SHKBP1: variants seen among roughly 807,000 people sequenced by gnomAD.
SHKBP1 encodes the protein SH3KBP1 binding protein 1.
A neutral mutation model predicts 83.9 loss-of-function variants in SHKBP1; 71 were observed. The ratio of observed to expected loss-of-function variants is 0.85; its 90% CI spans 0.70 to 1.03. SHKBP1 has a LOEUF of 1.03. Ranked by LOEUF, SHKBP1 falls within the 50% of genes least tolerant of loss-of-function variation. The pLI, the probability that SHKBP1 is intolerant of heterozygous loss-of-function variation, is 0.00. For missense variants in SHKBP1, 824 were observed against 982.4 expected (o/e 0.84, Z 2.16); for synonymous variants, 371 against 398.0 (o/e 0.93, Z 0.81).
chr19:40,587,998 G>A (rs1298717232), intron 13 of SHKBP1, among the ~76,000 whole-genome samples: 4 of 152,224 alleles, frequency 2.6e-5, no homozygotes, highest in Admixed American at 6.5e-5. Context: ...GTGTCAAGTC[G>A]CTGGAGAGGG....
At position 40,589,197 on chromosome 19, in the gene SHKBP1, A is replaced by G; in HGVS notation, c.1589+19A>G. The stretch of plus-strand genomic sequence containing the variant: ...GGCAGCGGTGAGGACAGTCCTGTCC[A>G]ACAGGGAGGGAGGACAGTCCTGTCC... On this transcript the variant is annotated intron_variant, in intron 15 of 17. Coordinates refer to ENST00000291842, the MANE Select transcript of SHKBP1 (RefSeq NM_138392.4). 1 of 571,410 alleles carries G rather than the reference A, an allele frequency of 1.8e-6. No individual in the cohort carries two copies. Among genetic ancestry groups the G allele is most frequent in the South Asian group, 4.1e-5 (1 of 24,462 alleles). 35.4% of individuals were successfully genotyped at this position (571,410 alleles called of 1,614,324 possible).
At position 40,590,225 on chromosome 19, in the gene SHKBP1, C is replaced by T; in HGVS notation, c.1590-19C>T. ...GGTGAGAAAGCGAGGGTGACCACCT[C>T]CCCCACTGCACCCCCCAGGGTGTGC... On this transcript the variant is annotated intron_variant, in intron 15 of 17. Coordinates refer to ENST00000291842, the MANE Select transcript of SHKBP1 (RefSeq NM_138392.4). This position sits in a 1 kb window ranked among gnomAD's most constrained non-coding sequence, Gnocchi z 4.6. 6.5e-7 allele frequency: 1 copy of T among 1,544,230 alleles called. No homozygotes were observed. Among genetic ancestry groups the T allele is most frequent in the Admixed American group, 1.9e-5 (1 of 52,148 alleles).
chr19:40,589,242 G>A, intron 15 of SHKBP1, 64 bp downstream of exon 15: 1 of 1,436,454 alleles, frequency 7.0e-7, no homozygotes, highest in Non-Finnish European at 9.6e-7. Context: ...GGAGGTCAGG[G>A]GAGAAGGCAA....
intron 13 of SHKBP1, among the ~76,000 whole-genome samples, chr19:40,587,225 A>G (rs1336903200): frequency 6.6e-6 from 1 of 152,194 alleles, no homozygotes; most frequent in African/African-American, 2.4e-5. Flanking sequence ...AGTGATGAAC[A>G]AGACAGGCCA....
chr19:40,586,089 G>C (rs968960936), intron 12 of SHKBP1, among the ~76,000 whole-genome samples: 16 of 151,984 alleles, frequency 1.1e-4, no homozygotes, highest in African/African-American at 3.9e-4. Flanking sequence ...AAAATCTTTT[G>C]TAGAGATGAG....
In SHKBP1 at chr19:40,580,874, C is replaced by A; in HGVS notation, c.782C>A (p.Ala261Glu). Residue 261 changes from alanine (A) to glutamate (E), a missense_variant, in exon 9 of 18, where the codon GCA becomes GAA. Around this residue, in one of 3 missense-constraint regions of SHKBP1, gnomAD observed 355 missense variants for 386.4 expected, o/e 0.92. Coordinates refer to ENST00000291842, the MANE Select transcript of SHKBP1 (RefSeq NM_138392.4). ...ALGEHDKMVAAATGSEILLWA... is the reference protein window; with the variant it reads ...ALGEHDKMVAEATGSEILLWA... ...GGTGAACATGACAAGATGGTGGCAG[C>A]AGCCACCGGCAGCGAGATCCTGCTA... The A allele has an allele frequency of 6.2e-7, 1 of 1,611,294 alleles. No individual in the cohort carries two copies. Among genetic ancestry groups the A allele is most frequent in the Non-Finnish European group, 8.5e-7 (1 of 1,178,652 alleles).
At chr19:40,581,925 C>CTTT (rs58051153) in intron 9 of SHKBP1, among the ~76,000 whole-genome samples, 48 of 145,494 alleles carry the variant, frequency 3.3e-4, no homozygotes, top group South Asian at 8.6e-4. Flanking sequence ...GGAATCTTCA[C>CTTT]TTTTTTTTTT....
At position 40,589,141 on chromosome 19, in the gene SHKBP1, A is replaced by G; in HGVS notation, c.1552A>G (p.Ser518Gly). The G allele has an allele frequency of 6.2e-7, 1 of 1,613,452 alleles. No individual in the cohort carries two copies. Among genetic ancestry groups the G allele is most frequent in the Non-Finnish European group, 8.5e-7 (1 of 1,179,962 alleles). The change falls in exon 15 of 18, where the codon AGC becomes GGC. Residue 518 changes from serine (S) to glycine (G), a missense_variant. Around this residue, in one of 3 missense-constraint regions of SHKBP1, gnomAD observed 287 missense variants for 322.9 expected, o/e 0.89. Coordinates refer to ENST00000291842, the MANE Select transcript of SHKBP1 (RefSeq NM_138392.4). ...CATCCAGAAGGTGGTGCCCAGTGCC[A>G]GCCAGCTCTTCGTGCGTCTCTCATC... ...VFIQKVVPSA[S>G]QLFVRLSSTG... is the part of the protein sequence containing the mutation.
chr19:40,580,268 C>T, intron 6 of SHKBP1, 56 bp from the exon 7 acceptor site: 3 of 1,567,272 alleles, frequency 1.9e-6, no homozygotes, highest in African/African-American at 1.3e-5. Context: ...TAAGTGCTTG[C>T]TGTGTGACAG....
intron 5 of SHKBP1, 73 bp downstream of exon 5, chr19:40,578,285 C>G (rs540962684): frequency 6.5e-5 from 99 of 1,533,830 alleles, no homozygotes; most frequent in Non-Finnish European, 8.7e-5. Flanking sequence ...GCCCCTCTTC[C>G]CCTTCTCTCC....
At chr19:40,577,947 CTACACA>C (rs752302333) in intron 4 of SHKBP1, 1 of 568,290 alleles carries the variant, frequency 1.8e-6, no homozygotes. Flanking sequence ...CGATTTCTCC[CTACACA>C]CACACACACA....
chr19:40,586,830 G>T lies in SHKBP1; in HGVS notation c.1222G>T (p.Val408Phe), dbSNP rs1358898200. 3 of 1,611,738 alleles carry T rather than the reference G, an allele frequency of 1.9e-6. No homozygotes were observed. In the Admixed American group the frequency reaches 5.0e-5, roughly 27 times the overall value. Residue 408 changes from valine (V) to phenylalanine (F), a missense_variant, in exon 13 of 18, where the codon GTC becomes TTC. By Grantham distance (50) the Val-to-Phe change is conservative. Coordinates refer to ENST00000291842, the MANE Select transcript of SHKBP1 (RefSeq NM_138392.4). The stretch of plus-strand genomic sequence containing the variant: ...TGGCACCAGCTCAGGGGGCGTGCGG[G>T]TCATCGTGCAGCACCCGGAGACTGT... Reference protein sequence around the residue: ...AYGTSSGGVRVIVQHPETVGS... With the variant: ...AYGTSSGGVRFIVQHPETVGS...
Position 40,580,332 on chromosome 19 carries a change from G to T in SHKBP1, c.409G>T (p.Val137Leu). Residue 137 changes from valine (V) to leucine (L), a missense_variant, in exon 7 of 18, where the codon GTG becomes TTG. Coordinates refer to ENST00000291842, the MANE Select transcript of SHKBP1 (RefSeq NM_138392.4). ...TCTTATTCTCACTGTAGTGTTCCCA[G>T]TGAAGCGGCGGAACCGGCACAGCCT... ...NGYLPPPVFP[V>L]KRRNRHSLVG... 1 of 1,613,986 alleles carries T rather than the reference G, an allele frequency of 6.2e-7. No individual in the cohort carries two copies. Among genetic ancestry groups the T allele is most frequent in the Non-Finnish European group, 8.5e-7 (1 of 1,179,890 alleles).
In SHKBP1 at chr19:40,589,919, T is replaced by TG. The variant is rs372898397; in HGVS notation, c.1590-324dup. Among the ~76,000 whole-genome samples, 17 of 151,068 alleles carry TG rather than the reference T, an allele frequency of 1.1e-4. No homozygotes were observed. The East Asian group carries it at 3.4e-3, about 30-fold the overall frequency. On this transcript the variant is annotated intron_variant, in intron 15 of 17. Transcript: ENST00000291842. ...GGAGCCGTGGCCACTGCATGGGGGA[T>TG]GAAAGGAGGCTTGATGGGAGGCCAG...
At chr19:40,577,089 C>G (rs1283127567) in intron 1 of SHKBP1, 104 bp downstream of exon 1, 1 of 711,662 alleles carries the variant, frequency 1.4e-6, no homozygotes, top group Non-Finnish European at 1.9e-6. Context: ...GTTGCTCCGC[C>G]CCCCCCCCCT....
chr19:40,580,945 C>A lies in SHKBP1; in HGVS notation c.844+9C>A. 1 of 1,525,520 alleles carries A rather than the reference C, an allele frequency of 6.6e-7. No individual in the cohort carries two copies. Among genetic ancestry groups the A allele is most frequent in the South Asian group, 1.3e-5 (1 of 78,798 alleles). 94.5% of individuals were successfully genotyped at this position (1,525,520 alleles called of 1,614,324 possible). On this transcript the variant is annotated intron_variant, in intron 9 of 17. Transcript: ENST00000291842. ...CGGTGGCTCCGAGATAGGTATGACCCCAAGCCTTTTCCAGAACCCTCTGTC... is the reference window on the plus strand; with the variant it reads ...CGGTGGCTCCGAGATAGGTATGACCACAAGCCTTTTCCAGAACCCTCTGTC...
chr19:40,589,586 G>A (rs1432341015), intron 15 of SHKBP1, among the ~76,000 whole-genome samples: 1 of 151,286 alleles, frequency 6.6e-6, no homozygotes, highest in Non-Finnish European at 1.5e-5. Context: ...GGATGGGATG[G>A]AGGAGACCCA....
chr19:40,583,852 T>G, intron 12 of SHKBP1, 135 bp downstream of exon 12: 1 of 697,110 alleles, frequency 1.4e-6, no homozygotes, highest in Non-Finnish European at 2.5e-6. Context: ...CTCTCATTTT[T>G]TTTTCTGAGA....
At position 40,576,910 on chromosome 19, in the gene SHKBP1, C is replaced by G. The variant is rs773314360; in HGVS notation, c.11C>G (p.Ala4Gly). 1 of 1,469,094 alleles carries G rather than the reference C, an allele frequency of 6.8e-7. No individual in the cohort carries two copies. Among genetic ancestry groups the G allele is most frequent in the Admixed American group, 3.0e-5 (1 of 33,810 alleles). The allele number at this position is 1,469,094 out of a possible 1,614,324, so 91.0% of individuals were successfully genotyped here. Residue 4 changes from alanine (A) to glycine (G), a missense_variant, in exon 1 of 18, where the codon GCG (alanine) becomes GGG (glycine). Ala to Gly is a moderately conservative substitution (Grantham distance 60). Transcript: ENST00000291842. Reference sequence around the variant, plus strand: ...GCTCGCCCGGGGGCCATGGCAGCAGCGGCTACTGCAGCCGAGGGGGTCCCC... The same window carrying G: ...GCTCGCCCGGGGGCCATGGCAGCAGGGGCTACTGCAGCCGAGGGGGTCCCC... MAA[A>G]ATAAEGVPSR...
Sources: allele counts gnomAD v4.1 joint callset (sites outside exome capture counted in the v4.1 genomes callset), GRCh38; gene constraint gnomAD v4.1.1; regional missense constraint gnomAD v4.1.1; non-coding constraint Gnocchi (gnomAD v3.1); transcripts MANE v1.5; gene names NCBI Gene and HGNC (gene_info 2026-07-23, HGNC 2026-07-21).